The following SLC9B2 variants were observed in gnomAD, a reference collection of about 807,000 sequenced individuals.
The protein encoded by SLC9B2 is sodium/hydrogen exchanger 9B2.
SLC9B2 carries 39 observed loss-of-function variants against 52.2 expected under a neutral mutation model. The observed-to-expected ratio is 0.75, with a 90% confidence interval of 0.58 to 0.98. The LOEUF (loss-of-function observed/expected upper bound fraction) is 0.98. Among genes scored for constraint, SLC9B2 ranks in the 50% least tolerant of loss-of-function variants. SLC9B2 has a pLI of 0.00. For missense variants in SLC9B2, 626 were observed against 637.5 expected, an observed-to-expected ratio of 0.98 and a Z score of 0.19; for synonymous variants, 214 against 227.0, an observed-to-expected ratio of 0.94 and a Z score of 0.51.
At chr4:103,032,796 G>A (rs1206976043) in intron 9 of SLC9B2, among the ~76,000 whole-genome samples, 2 of 152,124 alleles carry the variant, frequency 1.3e-5, no homozygotes, top group African/African-American at 4.8e-5. Flanking sequence ...TGGATCTCCT[G>A]CAAATTGGGA....
chr4:103,047,340 T>C lies in SLC9B2; in HGVS notation c.714-114A>G, dbSNP rs1004479844. 3.7e-5 allele frequency: 35 copies of C among 943,222 alleles called. No homozygotes were observed. The South Asian group carries it at 5.0e-4, about 13-fold the overall frequency. The allele number at this position is 943,222 out of a possible 1,614,324, so 58.4% of individuals were successfully genotyped here. Reference sequence around the variant, plus strand: ...ACTTGGACAACAACAGTCTTTCTTTTTTTTTTTCTAAATTAAGAAAACAAA... The same window carrying C: ...ACTTGGACAACAACAGTCTTTCTTTCTTTTTTTCTAAATTAAGAAAACAAA... On this transcript the variant is annotated intron_variant, in intron 6 of 11. Coordinates refer to ENST00000394785, the MANE Select transcript of SLC9B2 (RefSeq NM_178833.7).
chr4:103,050,389 C>A lies in SLC9B2; in HGVS notation c.443-7G>T. The A allele has an allele frequency of 3.8e-6, 6 of 1,568,480 alleles. No homozygotes were observed. The highest frequency in any genetic ancestry group is 5.2e-6 in the Non-Finnish European group (6 of 1,161,672). The stretch of plus-strand genomic sequence containing the variant: ...AACCCTGCAAGCAGCATGCCTTGAA[C>A]GAAGAAATCAAACATATCTAGTTAG... On this transcript the variant is annotated splice_region_variant and splice_polypyrimidine_tract_variant and intron_variant, in intron 4 of 11. Transcript: ENST00000394785.
At chr4:103,066,031 G>A (rs1746092956) in intron 3 of SLC9B2, among the ~76,000 whole-genome samples, 1 of 152,172 alleles carries the variant, frequency 6.6e-6, no homozygotes, top group Admixed American at 6.5e-5. Flanking sequence ...GTAATCCTGT[G>A]AAATTACTCA....
intron 9 of SLC9B2, among the ~76,000 whole-genome samples, chr4:103,033,181 G>A (rs756016758): frequency 6.6e-6 from 1 of 152,034 alleles, no homozygotes; most frequent in Non-Finnish European, 1.5e-5. Flanking sequence ...GGCAAAAGAA[G>A]CCATAAACCA....
At chr4:103,019,604 A>T (rs1209538984), downstream of SLC9B2, 2 of 985,336 alleles carry the variant, frequency 2.0e-6, no homozygotes, top group Non-Finnish European at 2.4e-6. Context: ...CGTACCTACA[A>T]CTTCTTTCGC....
intron 4 of SLC9B2, among the ~76,000 whole-genome samples, chr4:103,054,147 T>C (rs1280841700): frequency 1.3e-5 from 2 of 152,200 alleles, no homozygotes; most frequent in African/African-American, 4.8e-5. Context: ...CATGTGCCTG[T>C]AGTCCCAGCT....
In SLC9B2 at chr4:103,028,843, T is replaced by A. The variant is rs1447962607; in HGVS notation, c.1296A>T (p.Arg432=). 1.9e-6 allele frequency: 3 copies of A among 1,608,642 alleles called. No individual in the cohort carries two copies. The African/African-American group carries it at 4.0e-5, about 22-fold the overall frequency. The part of the protein sequence containing the change: ...VATVGIAVLI[R]ILTTFLMVCF... Reference sequence around the variant, plus strand: ...ACACCATCAGAAATGTAGTCAAAATTCGTATCAATACTGCAATGCCTACGG... The same window carrying A: ...ACACCATCAGAAATGTAGTCAAAATACGTATCAATACTGCAATGCCTACGG... The change falls in exon 11 of 12, where the codon CGA becomes CGT. Residue 432 remains arginine, a synonymous_variant. Transcript: ENST00000394785.
chr4:103,019,303 C>G (rs1175664596), downstream of SLC9B2, among the ~76,000 whole-genome samples: 1 of 152,152 alleles, frequency 6.6e-6, no homozygotes, highest in Non-Finnish European at 1.5e-5. Flanking sequence ...TGAGGTCAAT[C>G]TTAACTGACA....
In SLC9B2 at chr4:103,026,502, T is replaced by C; in HGVS notation, c.1482A>G (p.Ala494=). The C allele has an allele frequency of 6.2e-7, 1 of 1,613,970 alleles. No homozygotes were observed. Residue 494 remains alanine, a synonymous_variant, in exon 12 of 12, where the codon GCA becomes GCG. Coordinates refer to ENST00000394785, the MANE Select transcript of SLC9B2 (RefSeq NM_178833.7). ...GGGCTGTGATGAGGATGGACAAAAA[T>C]GCCACTGTCAACACATCCATTCCAT... The part of the protein sequence containing the change: ...EDYGMDVLTV[A]FLSILITAPI...
In SLC9B2 at chr4:103,067,497, T is replaced by G; in HGVS notation, c.54A>C (p.Gly18=). 3 of 1,613,578 alleles carry G rather than the reference T, an allele frequency of 1.9e-6. No homozygotes were observed. Among genetic ancestry groups the G allele is most frequent in the East Asian group, 2.2e-5 (1 of 44,850 alleles). The change falls in exon 2 of 12, where the codon GGA becomes GGC. Residue 18 remains glycine (G), a synonymous_variant. Transcript: ENST00000394785. ...ITYEDSEPST[G]MNYTPSMHQE... is the part of the protein sequence containing the mutation. ...GATGCATGGAGGGCGTGTAATTCAT[T>G]CCTGTGGATGGTTCTGAATCTTCAT... is the stretch of plus-strand genomic sequence containing the variant.
intron 3 of SLC9B2, among the ~76,000 whole-genome samples, chr4:103,065,180 GCACACACACACA>G (rs58302558): frequency 4.8e-5 from 7 of 145,154 alleles, no homozygotes; most frequent in African/African-American, 1.0e-4. Flanking sequence ...GTACACACAC[GCACACACACACA>G]CACACACACA....
chr4:103,066,021 G>A (rs1746091933), intron 3 of SLC9B2, among the ~76,000 whole-genome samples: 1 of 152,128 alleles, frequency 6.6e-6, no homozygotes, highest in African/African-American at 2.4e-5. Flanking sequence ...CAGTCCTAAC[G>A]TAATCCTGTG....
downstream of SLC9B2, among the ~76,000 whole-genome samples, chr4:103,018,676 G>A (rs1741543574): frequency 6.6e-6 from 1 of 152,120 alleles, no homozygotes; most frequent in African/African-American, 2.4e-5. Flanking sequence ...GGGGAGTGAG[G>A]GACCTGGTAT....
intron 1 of SLC9B2, among the ~76,000 whole-genome samples, chr4:103,075,740 C>A (rs1332057799): frequency 6.6e-6 from 1 of 152,104 alleles, no homozygotes. Flanking sequence ...GATAGCAAAG[C>A]CATAATATAA....
rs1170914421 is a variant in SLC9B2 at position 103,025,049 on chromosome 4, T to C, written c.*1321A>G. ...ACAGTGGAAGCTCTGGCCCCGAAAA[T>C]CTGATGTTCCGTTCCTCCTAGGAGT... On this transcript the variant is annotated 3_prime_UTR_variant, in exon 12 of 12. Transcript: ENST00000394785. 6.6e-6 allele frequency among the ~76,000 whole-genome samples: 1 copy of C among 152,136 alleles called. No homozygotes were observed. The highest frequency in any genetic ancestry group is 1.5e-5 in the Non-Finnish European group (1 of 68,018).
At chr4:103,018,974 C>T (rs1224317236), downstream of SLC9B2, among the ~76,000 whole-genome samples, 1 of 152,164 alleles carries the variant, frequency 6.6e-6, no homozygotes, top group Non-Finnish European at 1.5e-5. Context: ...TAAATTGCGC[C>T]TTCTCAAGAG....
At chr4:103,058,749 T>C (rs1162294144) in intron 3 of SLC9B2, among the ~76,000 whole-genome samples, 1 of 151,982 alleles carries the variant, frequency 6.6e-6, no homozygotes, top group Non-Finnish European at 1.5e-5. Context: ...AAGCATTTCC[T>C]TTAGGAAAAG....
intron 7 of SLC9B2, 69 bp downstream of exon 7, chr4:103,046,982 T>C (rs1744197118): frequency 6.6e-7 from 1 of 1,520,672 alleles, no homozygotes; most frequent in East Asian, 2.3e-5. Flanking sequence ...AAATATGTCA[T>C]GCTTATAACA....
rs1743815844 is a variant in SLC9B2, at chr4:103,043,432, C to T, written c.1010G>A (p.Cys337Tyr). 1.2e-6 allele frequency: 2 copies of T among 1,605,868 alleles called. No individual in the cohort carries two copies. The highest frequency in any genetic ancestry group is 1.7e-6 in the Non-Finnish European group (2 of 1,177,712). ...FPSRDQDKLV[C>Y]KRTFLVLGLS... ...CCCCAACACAAGGAATGTTCTCTTA[C>T]ACACAAGTTTGTCCTTTAGGAGAAA... The change falls in exon 9 of 12, where the codon TGT becomes TAT. Residue 337 changes from cysteine (C) to tyrosine (Y), a missense_variant. By Grantham distance (194) the Cys-to-Tyr change is radical. Transcript: ENST00000394785.
Sources: gnomAD v4.1 joint callset for allele counts (sites outside exome capture counted in the v4.1 genomes callset) on GRCh38, gnomAD v4.1.1 for gene constraint, MANE v1.5 for transcripts, NCBI Gene and HGNC (gene_info 2026-07-23, HGNC 2026-07-21) for gene names.